The following CRPPA variants were observed in gnomAD, a reference collection of about 807,000 sequenced individuals.
The protein encoded by CRPPA is CDP-L-ribitol pyrophosphorylase A.
A neutral mutation model predicts 52.0 loss-of-function variants in CRPPA; 43 were observed. The observed-to-expected ratio is 0.83, with a 90% CI of 0.65 to 1.07. The LOEUF (loss-of-function observed/expected upper bound fraction) is 1.07. Ranked by LOEUF, CRPPA falls within the 50% of genes least tolerant of loss-of-function variation. The pLI is 0.00. For synonymous variants in CRPPA, 250 were observed against 203.5 expected, an observed-to-expected ratio of 1.23 and a Z score of -1.94; for missense variants, 629 against 551.7, an observed-to-expected ratio of 1.14 and a Z score of -1.40.
At chr7:16,360,560 A>G (rs1235380891) in intron 3 of CRPPA, among the ~76,000 whole-genome samples, 2 of 152,314 alleles carry the variant, frequency 1.3e-5, no homozygotes, top group East Asian at 3.9e-4. Flanking sequence ...CCAATAGAGT[A>G]CAGAAATGAA....
At chr7:16,336,844 C>A (rs763771541) in intron 3 of CRPPA, among the ~76,000 whole-genome samples, 2 of 151,950 alleles carry the variant, frequency 1.3e-5, no homozygotes, top group Admixed American at 6.5e-5. Flanking sequence ...AGCAGGGTAG[C>A]TATACCTATA....
intron 6 of CRPPA, among the ~76,000 whole-genome samples, chr7:16,272,587 G>A (rs1378102282): frequency 6.6e-6 from 1 of 152,068 alleles, no homozygotes; most frequent in Non-Finnish European, 1.5e-5. Flanking sequence ...AGAATACGTT[G>A]CATTTTGTAT....
In CRPPA at chr7:16,303,477, TAAAAAA is replaced by T. The variant is rs545663821; in HGVS notation, c.790-2017_790-2012del. ...GTTTCTGTGTTGAGACATAAAATAG[TAAAAAA>T]AAAAAAAAAAAAAAAAAAAACTTTC... is the stretch of plus-strand genomic sequence containing the variant. On this transcript the variant is annotated intron_variant, in intron 4 of 9. Coordinates refer to ENST00000407010, the MANE Select transcript of CRPPA (RefSeq NM_001101426.4). 2.2e-4 allele frequency among the ~76,000 whole-genome samples: 10 copies of T among 44,976 alleles called. No homozygotes were observed. In the East Asian group the frequency reaches 4.2e-3, roughly 19 times the overall value. The allele number at this position is 44,976 out of a possible 152,430, so 29.5% of individuals were successfully genotyped here.
At chr7:16,397,264 CACA>C (rs539228590) in intron 2 of CRPPA, among the ~76,000 whole-genome samples, 135 of 152,274 alleles carry the variant, frequency 8.9e-4, no homozygotes, top group Middle Eastern at 3.4e-3. Context: ...ACATGACCAA[CACA>C]ACATGAGGGT....
chr7:16,390,730 G>C (rs1026845987), intron 2 of CRPPA, among the ~76,000 whole-genome samples: 1 of 152,116 alleles, frequency 6.6e-6, no homozygotes, highest in Non-Finnish European at 1.5e-5. Flanking sequence ...TGAATCACAC[G>C]GCCCTCCAAA....
chr7:16,141,080 G>C (rs1012115848), intron 9 of CRPPA, among the ~76,000 whole-genome samples: 6 of 152,044 alleles, frequency 3.9e-5, no homozygotes, highest in African/African-American at 1.4e-4. Flanking sequence ...TGGCATCTTG[G>C]ACCAGAGGTC....
At chr7:16,284,905 A>G (rs184700644) in intron 5 of CRPPA, among the ~76,000 whole-genome samples, 8 of 152,268 alleles carry the variant, frequency 5.3e-5, no homozygotes, top group African/African-American at 1.9e-4. Flanking sequence ...ATATATAACT[A>G]TGGGAGCAGG....
At chr7:16,383,289 G>A (rs543488927) in intron 2 of CRPPA, among the ~76,000 whole-genome samples, 38 of 152,304 alleles carry the variant, frequency 2.5e-4, no homozygotes, top group African/African-American at 8.4e-4. Context: ...TATCAGCAGC[G>A]GTGGCTGCAG....
At chr7:16,151,171 T>C (rs553572055) in intron 9 of CRPPA, among the ~76,000 whole-genome samples, 1 of 152,324 alleles carries the variant, frequency 6.6e-6, no homozygotes, top group South Asian at 2.1e-4. Context: ...ATGGGTACTA[T>C]GTACCTCAAT....
chr7:16,301,575 T>C, intron 4 of CRPPA, 109 bp from the exon 5 acceptor site: 1 of 659,512 alleles, frequency 1.5e-6, no homozygotes. Context: ...TATAAACATG[T>C]AATACTGACA....
intron 8 of CRPPA, among the ~76,000 whole-genome samples, chr7:16,218,888 C>G (rs1320588658): frequency 2.0e-5 from 3 of 151,508 alleles, no homozygotes; most frequent in Admixed American, 2.0e-4. Flanking sequence ...ATCAACGAGA[C>G]AGAAAGTCAA....
intron 9 of CRPPA, among the ~76,000 whole-genome samples, chr7:16,128,086 GC>G (rs777170537): frequency 6.6e-6 from 1 of 152,124 alleles, no homozygotes; most frequent in East Asian, 1.9e-4. Flanking sequence ...TTTTACTCCC[GC>G]CAACAGTGTA....
At chr7:16,409,733 G>C (rs537424613) in intron 1 of CRPPA, among the ~76,000 whole-genome samples, 1 of 152,094 alleles carries the variant, frequency 6.6e-6, no homozygotes, top group Non-Finnish European at 1.5e-5. Flanking sequence ...AAAAAGATCC[G>C]AATATACAAA....
At chr7:16,143,593 T>C (rs1782915141) in intron 9 of CRPPA, among the ~76,000 whole-genome samples, 2 of 152,214 alleles carry the variant, frequency 1.3e-5, no homozygotes, top group Non-Finnish European at 2.9e-5. Flanking sequence ...ATAAAGTCTA[T>C]TGCTCTCTGA....
At chr7:16,314,182 G>A (rs1785094052) in intron 3 of CRPPA, among the ~76,000 whole-genome samples, 1 of 150,408 alleles carries the variant, frequency 6.6e-6, no homozygotes, top group Non-Finnish European at 1.5e-5. Context: ...AGGATGGTCT[G>A]TTGTTAGATG....
chr7:16,354,210 C>G (rs1052092348), intron 3 of CRPPA, among the ~76,000 whole-genome samples: 2 of 152,012 alleles, frequency 1.3e-5, no homozygotes, highest in South Asian at 2.1e-4. Flanking sequence ...TTCCTTTTAT[C>G]AAAAATAATT....
chr7:16,141,935 C>T (rs900435837), intron 9 of CRPPA, among the ~76,000 whole-genome samples: 4 of 152,074 alleles, frequency 2.6e-5, no homozygotes, highest in Admixed American at 6.6e-5. Context: ...ATAGATGGCC[C>T]ACCCTCATGG....
At chr7:16,166,660 T>C (rs2128383857) in intron 9 of CRPPA, among the ~76,000 whole-genome samples, 1 of 152,260 alleles carries the variant, frequency 6.6e-6, no homozygotes, top group East Asian at 1.9e-4. Context: ...AAATACATTG[T>C]CCTACTCGAG....
At chr7:16,418,396 C>G (rs1788245734) in intron 1 of CRPPA, among the ~76,000 whole-genome samples, 3 of 152,158 alleles carry the variant, frequency 2.0e-5, no homozygotes, top group Non-Finnish European at 4.4e-5. Context: ...CAAGGCCTTT[C>G]CAAACATTAT....
Sources: allele counts gnomAD v4.1 joint callset (sites outside exome capture counted in the v4.1 genomes callset), GRCh38; gene constraint gnomAD v4.1.1; transcripts MANE v1.5; gene names NCBI Gene and HGNC (gene_info 2026-07-23, HGNC 2026-07-21).